The following PARP10 variants were observed in gnomAD, a reference collection of about 807,000 sequenced individuals.
The protein encoded by PARP10 is poly(ADP-ribose) polymerase family member 10.
PARP10 carries 56 observed loss-of-function variants against 82.4 expected under a neutral mutation model. That is an observed-to-expected ratio of 0.68 (90% CI 0.55 to 0.85). The LOEUF (loss-of-function observed/expected upper bound fraction) is 0.85, where lower values mean the gene tolerates loss of function less well. Among genes scored for constraint, PARP10 ranks in the 40% least tolerant of loss-of-function variants. The pLI, the probability that PARP10 is intolerant of heterozygous loss-of-function variation, is 0.00. For synonymous variants in PARP10, 576 were observed against 601.1 expected (o/e 0.96, Z 0.61); for missense variants, 1,227 against 1,379.4 (o/e 0.89, Z 1.75).
upstream of PARP10, chr8:143,992,256 C>T (rs782296607): frequency 3.1e-5 from 49 of 1,602,552 alleles, no homozygotes; most frequent in East Asian, 5.8e-4. Context: ...CGGTCCTGAC[C>T]GCCAGCCTGT....
chr8:144,008,410 G>A lies in PARP10; in HGVS notation c.-80+4120C>T, dbSNP rs1834249121. The stretch of plus-strand genomic sequence containing the variant: ...GAAGGCCTTGCCAAGCTGAAATGCT[G>A]AGCGGAATCAAATGAGGCAAATTTG... On this transcript the variant is annotated intron_variant, in intron 1 of 3. Coordinates refer to the PARP10 transcript ENST00000530478. This position sits in a 1 kb window ranked among gnomAD's most constrained non-coding sequence, Gnocchi z 4.0. Among the ~76,000 whole-genome samples, 2 of 152,242 alleles carry A rather than the reference G, an allele frequency of 1.3e-5. No individual in the cohort carries two copies. Among genetic ancestry groups the A allele is most frequent in the Admixed American group, 1.3e-4 (2 of 15,280 alleles).
chr8:144,001,444 C>T (rs886274333), intron 1 of PARP10, among the ~76,000 whole-genome samples: 1 of 152,106 alleles, frequency 6.6e-6, no homozygotes, highest in Non-Finnish European at 1.5e-5. Context: ...TGGTGGCTTA[C>T]GCCTGTAATC....
At chr8:143,997,076 T>A (rs972098289) in intron 1 of PARP10, among the ~76,000 whole-genome samples, 2 of 152,132 alleles carry the variant, frequency 1.3e-5, no homozygotes, top group Admixed American at 1.3e-4. Context: ...AGATGCTGCT[T>A]CCCAGGCAGC....
At chr8:144,002,119 T>G (rs1476841807) in intron 1 of PARP10, among the ~76,000 whole-genome samples, 1 of 152,156 alleles carries the variant, frequency 6.6e-6, no homozygotes, top group African/African-American at 2.4e-5. Flanking sequence ...GATGAATACA[T>G]GTGGGCCCGT....
chr8:144,005,310 T>C (rs1554752014), intron 1 of PARP10, among the ~76,000 whole-genome samples: 2 of 151,872 alleles, frequency 1.3e-5, no homozygotes, highest in Admixed American at 1.3e-4. Flanking sequence ...CAAGGAGGCC[T>C]GGAATTTACC....
chr8:143,992,071 T>C, upstream of PARP10: 3 of 1,613,844 alleles, frequency 1.9e-6, no homozygotes, highest in Non-Finnish European at 2.5e-6. Flanking sequence ...TGGAACCTTG[T>C]TGCACTGGTA....
At chr8:143,994,057 G>T (rs1174432041), upstream of PARP10, among the ~76,000 whole-genome samples, 2 of 152,172 alleles carry the variant, frequency 1.3e-5, no homozygotes, top group Non-Finnish European at 2.9e-5. Context: ...GCTGGTCTGA[G>T]CCCTGCTGAG....
upstream of PARP10, chr8:143,991,263 T>C: frequency 6.4e-7 from 1 of 1,559,842 alleles, no homozygotes; most frequent in Non-Finnish European, 8.7e-7. Context: ...TGGGGACAAC[T>C]ATCCTCCCCC....
upstream of PARP10, chr8:143,990,609 A>G (rs1587466141): frequency 7.1e-6 from 1 of 141,650 alleles, no homozygotes; most frequent in Non-Finnish European, 1.5e-5. This position sits in a 1 kb window ranked among gnomAD's most constrained non-coding sequence, Gnocchi z 5.6. Flanking sequence ...GGCGTACCCC[A>G]CTGGCAGGCA....
In PARP10 at chr8:143,985,822, A is replaced by G; in HGVS notation, c.335T>C (p.Leu112Ser). ...PQRLEQHVQA[L>S]LRASGLPVQP... ...TACTGGGAGCCCCGAGGCCCGCAGC[A>G]AGGCCTGGACATGCTGCTCCAAGCG... The change falls in exon 3 of 11, where the codon TTG becomes TCG. Residue 112 changes from leucine to serine, a missense_variant. By Grantham distance (145) the Leu-to-Ser change is moderately radical (BLOSUM62 -2). Coordinates refer to ENST00000313028, the MANE Select transcript of PARP10 (RefSeq NM_032789.5). The G allele has an allele frequency of 6.2e-7, 1 of 1,611,804 alleles. No homozygotes were observed. Among genetic ancestry groups the G allele is most frequent in the Non-Finnish European group, 8.5e-7 (1 of 1,179,568 alleles).
intron 9 of PARP10, among the ~76,000 whole-genome samples, chr8:143,981,789 GTGA>G (rs140158433): frequency 3.7e-3 from 2 of 546 alleles, no homozygotes; most frequent in African/African-American, 0.022. Context: ...GAAGGTGGTG[GTGA>G]TGATGGTGGT....
At chr8:144,000,008 G>A (rs1470196297) in intron 1 of PARP10, among the ~76,000 whole-genome samples, 17 of 152,212 alleles carry the variant, frequency 1.1e-4, no homozygotes, top group African/African-American at 3.1e-4. Flanking sequence ...AATACATAAC[G>A]CTTGAAATGT....
chr8:143,983,934 G>A (rs1833924918), intron 7 of PARP10, 74 bp downstream of exon 7: 2 of 1,472,974 alleles, frequency 1.4e-6, no homozygotes, highest in Admixed American at 4.8e-5. Context: ...AGACAGATGG[G>A]AGCACAGAGC....
upstream of PARP10, chr8:143,992,345 G>C (rs1333366412): frequency 1.3e-6 from 2 of 1,593,672 alleles, no homozygotes; most frequent in Non-Finnish European, 1.7e-6. Flanking sequence ...ACAGCCGTCT[G>C]CTTCACCGTC....
At chr8:143,994,178 C>T (rs370350522), upstream of PARP10, among the ~76,000 whole-genome samples, 1 of 152,246 alleles carries the variant, frequency 6.6e-6, no homozygotes, top group Non-Finnish European at 1.5e-5. Context: ...AAGGCCCCTC[C>T]CCACTGCCCA....
At chr8:143,997,017 G>T (rs1554751364) in intron 1 of PARP10, among the ~76,000 whole-genome samples, 1 of 152,178 alleles carries the variant, frequency 6.6e-6, no homozygotes. Context: ...TGGGGGACCT[G>T]GTCCCAGCCT....
rs1554752214 is a variant in PARP10 at position 144,008,480 on chromosome 8, G to C, written c.-80+4050C>G. Among the ~76,000 whole-genome samples the C allele has an allele frequency of 6.6e-6, 1 of 152,204 alleles. No homozygotes were observed. The highest frequency in any genetic ancestry group is 2.4e-5 in the African/African-American group (1 of 41,456). On this transcript the variant is annotated intron_variant, in intron 1 of 3. Transcript: ENST00000530478. The surrounding 1 kb of genome is among the most constrained non-coding windows in gnomAD (Gnocchi z 4.0). ...AAAGCCAGTGACCCAAGACGGGAAGGAGGAGATCTGACTCAGCAAAAGCAA... is the reference window on the plus strand; with the variant it reads ...AAAGCCAGTGACCCAAGACGGGAAGCAGGAGATCTGACTCAGCAAAAGCAA...
chr8:143,994,846 T>C (rs1238336006), upstream of PARP10, among the ~76,000 whole-genome samples: 1 of 152,162 alleles, frequency 6.6e-6, no homozygotes, highest in Non-Finnish European at 1.5e-5. Context: ...TGCTCCAGCA[T>C]GCTGAGGAGG....
intron 1 of PARP10, 25 bp from the exon 2 acceptor site, chr8:143,986,258 G>A (rs1564254142): frequency 6.2e-7 from 1 of 1,613,698 alleles, no homozygotes; most frequent in East Asian, 2.2e-5. Context: ...CAGGTGGGTA[G>A]GGAAACAGCC....
Sources: allele counts gnomAD v4.1 joint callset (sites outside exome capture counted in the v4.1 genomes callset), GRCh38; gene constraint gnomAD v4.1.1; non-coding constraint Gnocchi (gnomAD v3.1); transcripts MANE v1.5; gene names NCBI Gene and HGNC (gene_info 2026-07-23, HGNC 2026-07-21).